The following GPBP1 variants were observed in gnomAD, a reference collection of about 807,000 sequenced individuals.
The protein encoded by GPBP1 is GC-rich promoter binding protein 1, also known as vasculin.
GPBP1 carries 13 observed loss-of-function variants against 56.5 expected under a neutral mutation model. The observed-to-expected ratio is 0.23, with a 90% CI of 0.15 to 0.37. The LOEUF (loss-of-function observed/expected upper bound fraction) is 0.37, where lower values mean the gene tolerates loss of function less well. Ranked by LOEUF, GPBP1 falls within the 10% of genes least tolerant of loss-of-function variation. The pLI is 1.00. For missense variants in GPBP1, 477 were observed against 572.3 expected (o/e 0.83, Z 1.70); for synonymous variants, 204 against 188.9 (o/e 1.08, Z -0.66).
At chr5:57,219,058 G>A (rs920173566) in intron 3 of GPBP1, among the ~76,000 whole-genome samples, 1 of 151,980 alleles carries the variant, frequency 6.6e-6, no homozygotes, top group African/African-American at 2.4e-5. Flanking sequence ...TCTGTAAAAT[G>A]AGTAAAAATT....
intron 2 of GPBP1, among the ~76,000 whole-genome samples, chr5:57,211,903 T>C (rs1401868060): frequency 3.9e-5 from 6 of 151,946 alleles, no homozygotes; most frequent in African/African-American, 9.7e-5. Flanking sequence ...TTGTATGATA[T>C]GCCTTTTTGA....
chr5:57,206,146 T>C (rs945280902), intron 2 of GPBP1, among the ~76,000 whole-genome samples: 1 of 152,200 alleles, frequency 6.6e-6, no homozygotes, highest in Non-Finnish European at 1.5e-5. Flanking sequence ...CTAGACCTTA[T>C]TAGATATGAG....
At chr5:57,229,022 G>A (rs1252658110) in intron 3 of GPBP1, among the ~76,000 whole-genome samples, 1 of 152,006 alleles carries the variant, frequency 6.6e-6, no homozygotes, top group East Asian at 1.9e-4. Flanking sequence ...TTGAAGTCAG[G>A]AGTTGAAGAC....
intron 9 of GPBP1, among the ~76,000 whole-genome samples, chr5:57,250,686 G>T (rs900739296): frequency 6.6e-6 from 1 of 151,836 alleles, no homozygotes; most frequent in Non-Finnish European, 1.5e-5. Context: ...AGGACTACAG[G>T]CGTGTATCAC....
At chr5:57,236,456 CGT>C (rs1491319150) in intron 6 of GPBP1, among the ~76,000 whole-genome samples, 2 of 149,860 alleles carry the variant, frequency 1.3e-5, no homozygotes, top group Non-Finnish European at 3.0e-5. Flanking sequence ...AAAGTGGTTA[CGT>C]ATATATATAT....
At chr5:57,206,859 A>G (rs1203802207) in intron 2 of GPBP1, among the ~76,000 whole-genome samples, 1 of 152,136 alleles carries the variant, frequency 6.6e-6, no homozygotes, top group Non-Finnish European at 1.5e-5. Flanking sequence ...TACAGTTTTG[A>G]TCACTATGGC....
intron 3 of GPBP1, among the ~76,000 whole-genome samples, chr5:57,219,398 A>AAAAAAC (rs1561348247): frequency 2.9e-5 from 2 of 69,772 alleles, no homozygotes; most frequent in Non-Finnish European, 4.5e-5. Flanking sequence ...AAAAAAAAAA[A>AAAAAAC]AAAAACCAAA....
intron 7 of GPBP1, among the ~76,000 whole-genome samples, 170 bp from the exon 8 acceptor site, chr5:57,246,905 G>A (rs989458928): frequency 2.6e-5 from 4 of 152,068 alleles, no homozygotes; most frequent in African/African-American, 7.2e-5. Context: ...TATTTTATTT[G>A]TTGAAAAAGA....
rs895528930 is a variant in GPBP1 at position 57,228,253 on chromosome 5, G to A, written c.64-2593G>A. ...GGGCAGATCACAAGGTCAGGAGTTC[G>A]AGACCAGCCTGGCCAATATGGTGAA... is the stretch of plus-strand genomic sequence containing the variant. On this transcript the variant is annotated intron_variant, in intron 3 of 11. Coordinates refer to ENST00000506184, the MANE Select transcript of GPBP1 (RefSeq NM_022913.4). 4.1e-4 allele frequency among the ~76,000 whole-genome samples: 63 copies of A among 152,062 alleles called. 1 individual carries two copies. The highest frequency in any genetic ancestry group is 4.1e-3 in the Admixed American group (62 of 15,258).
In GPBP1 at chr5:57,175,832, A is replaced by G. The variant is rs1365195981; in HGVS notation, c.-626A>G. ...AATGACTGAGTATTGCTGAAGTTTC[A>G]TGGCAGTTTATTTTTACCTTTATTG... On this transcript the variant is annotated 5_prime_UTR_variant, in exon 2 of 12. The change abolishes an upstream ATG in the 5' untranslated region. Coordinates refer to ENST00000506184, the MANE Select transcript of GPBP1 (RefSeq NM_022913.4). 3 of 397,072 alleles carry G rather than the reference A, an allele frequency of 7.6e-6. No homozygotes were observed. The highest frequency in any genetic ancestry group is 1.3e-5 in the Non-Finnish European group (3 of 225,700). 24.6% of individuals were successfully genotyped at this position (397,072 alleles called of 1,614,324 possible). A position where few individuals can be genotyped will look rare whatever the true frequency, so the allele number is the denominator to read the frequency against.
intron 2 of GPBP1, among the ~76,000 whole-genome samples, chr5:57,200,929 C>T (rs1049156122): frequency 6.6e-6 from 1 of 152,182 alleles, no homozygotes; most frequent in African/African-American, 2.4e-5. Flanking sequence ...TCGCCCACCT[C>T]GGCCTCCCAG....
At chr5:57,231,640 C>T (rs1862174) in intron 5 of GPBP1, among the ~76,000 whole-genome samples, 41,567 of 152,042 alleles carry the variant, frequency 0.27, 6,298 homozygotes, top group East Asian at 0.71. Context: ...AAAAATTGAC[C>T]CAGTGTACAG....
At chr5:57,252,609 T>A (rs1741447824) in intron 10 of GPBP1, among the ~76,000 whole-genome samples, 1 of 152,128 alleles carries the variant, frequency 6.6e-6, no homozygotes, top group Admixed American at 6.6e-5. Flanking sequence ...CGTAGGCTAG[T>A]CTCAAACTCC....
At chr5:57,214,277 A>G in intron 3 of GPBP1, 84 bp downstream of exon 3, 1 of 1,183,220 alleles carries the variant, frequency 8.5e-7, no homozygotes, top group Non-Finnish European at 1.3e-6. Flanking sequence ...GAGGAGTAAT[A>G]ATATCTTTGC....
chr5:57,235,709 T>A (rs1038678288), intron 5 of GPBP1, among the ~76,000 whole-genome samples: 8 of 152,218 alleles, frequency 5.3e-5, no homozygotes, highest in African/African-American at 1.9e-4. Flanking sequence ...GATTTTGGAT[T>A]TTTTTCAGAT....
intron 5 of GPBP1, among the ~76,000 whole-genome samples, chr5:57,231,825 C>T (rs897144800): frequency 6.6e-6 from 1 of 152,072 alleles, no homozygotes; most frequent in Non-Finnish European, 1.5e-5. Context: ...AAAGCCCTTA[C>T]TCTTACCAAG....
chr5:57,243,679 T>C (rs1740939945), intron 6 of GPBP1, among the ~76,000 whole-genome samples: 1 of 150,666 alleles, frequency 6.6e-6, no homozygotes, highest in Non-Finnish European at 1.5e-5. Context: ...CTAGTTTTCA[T>C]GTCTTCTGCT....
At chr5:57,231,565 C>T (rs746140827) in intron 5 of GPBP1, among the ~76,000 whole-genome samples, 3 of 152,126 alleles carry the variant, frequency 2.0e-5, no homozygotes, top group African/African-American at 7.2e-5. Flanking sequence ...TGTGCCACTG[C>T]GCACTGAGCC....
chr5:57,223,848 T>G (rs1756060715), intron 3 of GPBP1, among the ~76,000 whole-genome samples: 1 of 151,302 alleles, frequency 6.6e-6, no homozygotes, highest in Admixed American at 6.6e-5. Context: ...TTTATTTTAT[T>G]TTTGAGATGG....
Sources: gnomAD v4.1 joint callset for allele counts (sites outside exome capture counted in the v4.1 genomes callset) on GRCh38, gnomAD v4.1.1 for gene constraint, MANE v1.5 for transcripts, NCBI Gene and HGNC (gene_info 2026-07-23, HGNC 2026-07-21) for gene names.